SPMIP2: variants seen among roughly 807,000 people sequenced by gnomAD.
SPMIP2 encodes sperm microtubule inner protein 2.
At chr4:159,061,093 AAATATATATATATATACAT>A in the SPMIP2 span, among the ~76,000 whole-genome samples, 1 of 125,498 alleles carries the variant, frequency 8.0e-6, no homozygotes, top group African/African-American at 3.0e-5. Context: ...TCAAAAAAAA[AAATATATATATATATACAT>A]ATATATATAT....
the SPMIP2 span, among the ~76,000 whole-genome samples, chr4:159,001,252 G>C: frequency 1.3e-5 from 2 of 151,076 alleles, no homozygotes; most frequent in Non-Finnish European, 2.9e-5. Context: ...ATCATGTAGA[G>C]GACCTTTTGC....
the SPMIP2 span, among the ~76,000 whole-genome samples, chr4:159,009,612 G>T: frequency 6.6e-6 from 1 of 152,110 alleles, no homozygotes. Flanking sequence ...GCATGGAAAG[G>T]TAATCTTATC....
the SPMIP2 span, among the ~76,000 whole-genome samples, chr4:158,940,560 T>TTTC: frequency 8.1e-5 from 1 of 12,378 alleles, no homozygotes; most frequent in Non-Finnish European, 1.7e-4. Flanking sequence ...TTGTTCCTTC[T>TTTC]TTTTTTTTTT....
the SPMIP2 span, among the ~76,000 whole-genome samples, chr4:159,028,621 G>A: frequency 3.9e-5 from 6 of 152,226 alleles, no homozygotes; most frequent in African/African-American, 1.2e-4. Context: ...GTGTGCCACC[G>A]CATTCAGCCC....
the SPMIP2 span, among the ~76,000 whole-genome samples, chr4:158,992,637 T>C: frequency 2.6e-5 from 4 of 152,336 alleles, no homozygotes; most frequent in East Asian, 7.7e-4. Flanking sequence ...TTCATACAGT[T>C]ATGAAGGCTG....
the SPMIP2 span, chr4:158,895,958 C>T: frequency 1.1e-6 from 1 of 888,498 alleles, no homozygotes; most frequent in East Asian, 2.7e-5. Flanking sequence ...CCCTAAACCT[C>T]AGGCCCTGGT....
the SPMIP2 span, among the ~76,000 whole-genome samples, chr4:159,063,169 A>G: frequency 1.8e-4 from 28 of 152,202 alleles, no homozygotes; most frequent in African/African-American, 6.8e-4. Context: ...AAGACCAACA[A>G]AAGAGAAGAC....
chr4:159,034,940 T>C, the SPMIP2 span: 1 of 890,174 alleles, frequency 1.1e-6, no homozygotes, highest in South Asian at 1.6e-5. Flanking sequence ...TATGTGATCA[T>C]TGCATTGTTA....
At chr4:158,942,966 T>C in the SPMIP2 span, among the ~76,000 whole-genome samples, 3 of 152,334 alleles carry the variant, frequency 2.0e-5, no homozygotes, top group African/African-American at 7.2e-5. Context: ...ACTATACTTG[T>C]CCATAGTTTG....
the SPMIP2 span, among the ~76,000 whole-genome samples, chr4:159,070,757 G>T: frequency 6.6e-6 from 1 of 152,192 alleles, no homozygotes; most frequent in South Asian, 2.1e-4. Flanking sequence ...TCACTTAAAT[G>T]TATGCAGACC....
chr4:159,001,246 T>C, the SPMIP2 span, among the ~76,000 whole-genome samples: 11 of 151,556 alleles, frequency 7.3e-5, no homozygotes, highest in Admixed American at 5.9e-4. Flanking sequence ...TGACTAATCA[T>C]GTAGAGGACC....
At chr4:159,047,658 C>T in the SPMIP2 span, among the ~76,000 whole-genome samples, 1 of 152,154 alleles carries the variant, frequency 6.6e-6, no homozygotes, top group Non-Finnish European at 1.5e-5. Context: ...TAACTGAAAA[C>T]CCCAGCGAAG....
chr4:159,058,322 A>G, the SPMIP2 span, among the ~76,000 whole-genome samples: 1 of 152,150 alleles, frequency 6.6e-6, no homozygotes, highest in African/African-American at 2.4e-5. Flanking sequence ...CAAGAACAGC[A>G]ATATCAAATC....
chr4:158,922,007 C>A, the SPMIP2 span, among the ~76,000 whole-genome samples: 1 of 151,706 alleles, frequency 6.6e-6, no homozygotes, highest in African/African-American at 2.4e-5. Context: ...CCTGCCTCAG[C>A]CTCCCAAGTA....
At chr4:159,011,047 A>G in the SPMIP2 span, among the ~76,000 whole-genome samples, 1 of 152,146 alleles carries the variant, frequency 6.6e-6, no homozygotes, top group Non-Finnish European at 1.5e-5. Flanking sequence ...AAACTGTTGA[A>G]CAAAACAGAG....
chr4:159,061,380 C>T, the SPMIP2 span, among the ~76,000 whole-genome samples: 2 of 151,998 alleles, frequency 1.3e-5, no homozygotes, highest in South Asian at 2.1e-4. Context: ...TGCCTTACCC[C>T]GAGACCAGGA....
chr4:158,939,193 GT>G, the SPMIP2 span, among the ~76,000 whole-genome samples: 1 of 152,196 alleles, frequency 6.6e-6, no homozygotes, highest in East Asian at 1.9e-4. Context: ...TATTGACTCA[GT>G]TTAGTTTTGG....
the SPMIP2 span, among the ~76,000 whole-genome samples, chr4:158,986,511 C>T: frequency 8.8e-5 from 8 of 90,570 alleles, no homozygotes; most frequent in Non-Finnish European, 5.2e-5. Flanking sequence ...CTTTGACAAA[C>T]TTGAGAAAAG....
the SPMIP2 span, among the ~76,000 whole-genome samples, chr4:158,904,011 A>G: frequency 6.6e-6 from 1 of 152,212 alleles, no homozygotes; most frequent in South Asian, 2.1e-4. Flanking sequence ...ACAAATTCCC[A>G]ATGTTTTTTA....
Sources: gnomAD v4.1 joint callset for allele counts (sites outside exome capture counted in the v4.1 genomes callset) on GRCh38, gnomAD v4.1.1 for gene constraint, MANE v1.5 for transcripts, NCBI Gene and HGNC (gene_info 2026-07-23, HGNC 2026-07-21) for gene names.